Variants in LRRN1 observed in about 807,000 individuals in gnomAD.
LRRN1 encodes leucine-rich repeat neuronal protein 1.
Under a neutral mutation model 45.8 loss-of-function variants are expected in LRRN1, and 14 were observed. The ratio of observed to expected loss-of-function variants is 0.31; its 90% CI spans 0.20 to 0.48. The LOEUF is 0.48. Among genes scored for constraint, LRRN1 ranks in the 20% least tolerant of loss-of-function variants. The probability of loss-of-function intolerance (pLI) is 0.99; values close to 1 mark genes in which losing one functional copy is unlikely to be tolerated. For synonymous variants in LRRN1, 359 were observed against 330.1 expected (o/e 1.09, Z -0.95); for missense variants, 789 against 874.2 (o/e 0.90, Z 1.23).
At chr3:3,834,371 C>T (rs1693439196) in intron 1 of LRRN1, among the ~76,000 whole-genome samples, 1 of 150,738 alleles carries the variant, frequency 6.6e-6, no homozygotes, top group Non-Finnish European at 1.5e-5. Context: ...ATTAGAAGTA[C>T]AGTCCTTAGC....
chr3:3,808,959 C>T (rs879693232), intron 1 of LRRN1, among the ~76,000 whole-genome samples: 2 of 152,096 alleles, frequency 1.3e-5, no homozygotes, highest in Non-Finnish European at 2.9e-5. Context: ...AGATTGCATT[C>T]TCCTAACCCT....
At chr3:3,821,936 A>G (rs1461184434) in intron 1 of LRRN1, among the ~76,000 whole-genome samples, 2 of 152,148 alleles carry the variant, frequency 1.3e-5, no homozygotes, top group Non-Finnish European at 2.9e-5. Context: ...CAAGACAGAA[A>G]CGGGTTCCTC....
chr3:3,801,026 C>T (rs1198861311), intron 1 of LRRN1: 1 of 152,298 alleles, frequency 6.6e-6, no homozygotes, highest in Non-Finnish European at 1.5e-5. Context: ...GGCCGCGTGT[C>T]CCGGGACGGT....
intron 1 of LRRN1, among the ~76,000 whole-genome samples, chr3:3,818,703 G>C (rs1391887705): frequency 1.3e-5 from 2 of 152,104 alleles, no homozygotes; most frequent in African/African-American, 4.8e-5. Flanking sequence ...ACAGAGCTAA[G>C]GTATTTCTTG....
At chr3:3,819,722 A>T (rs1033953771) in intron 1 of LRRN1, among the ~76,000 whole-genome samples, 1 of 152,200 alleles carries the variant, frequency 6.6e-6, no homozygotes, top group Admixed American at 6.5e-5. Flanking sequence ...TGTTTCCAAA[A>T]AAGGGCCACA....
intron 1 of LRRN1, among the ~76,000 whole-genome samples, chr3:3,814,435 G>A (rs1325063923): frequency 6.6e-6 from 1 of 151,688 alleles, no homozygotes; most frequent in East Asian, 1.9e-4. Context: ...TTCTTGTTGG[G>A]TTCTGCATCC....
rs772182978 is a variant in LRRN1, at chr3:3,845,675, A to G, written c.1034A>G (p.Asn345Ser). ...CCTGCTCTGGAAAGCTTGATGCTGA[A>G]CAACAATGCCTTGAATGCCATTTAC... ...SVPALESLML[N>S]NNALNAIYQK... Residue 345 changes from asparagine (N) to serine (S), a missense_variant, in exon 2 of 2, where the codon AAC (asparagine) becomes AGC (serine). Asn to Ser is a conservative substitution (Grantham distance 46, BLOSUM62 1). Coordinates refer to ENST00000319331, the MANE Select transcript of LRRN1 (RefSeq NM_020873.7). This position sits in a 1 kb window ranked among gnomAD's most constrained non-coding sequence, Gnocchi z 6.5. 6.2e-7 allele frequency: 1 copy of G among 1,614,086 alleles called. No individual in the cohort carries two copies. Among genetic ancestry groups the G allele is most frequent in the South Asian group, 1.1e-5 (1 of 91,074 alleles).
chr3:3,807,927 G>T (rs1467979020), intron 1 of LRRN1, among the ~76,000 whole-genome samples: 1 of 152,300 alleles, frequency 6.6e-6, no homozygotes, highest in African/African-American at 2.4e-5. Context: ...GCCTCCTCAC[G>T]TACTCAGAAA....
chr3:3,806,756 A>G (rs377091290), intron 1 of LRRN1, among the ~76,000 whole-genome samples: 1 of 152,228 alleles, frequency 6.6e-6, no homozygotes, highest in Admixed American at 6.5e-5. Context: ...CATCCTGAGA[A>G]ACCAAATGTG....
chr3:3,846,251 A>T lies in LRRN1; in HGVS notation c.1610A>T (p.His537Leu). The T allele has an allele frequency of 6.2e-7, 1 of 1,614,110 alleles. No homozygotes were observed. Among genetic ancestry groups the T allele is most frequent in the Non-Finnish European group, 8.5e-7 (1 of 1,180,030 alleles). The change falls in exon 2 of 2, where the codon CAT becomes CTT. Residue 537 changes from histidine (H) to leucine (L), a missense_variant. Coordinates refer to ENST00000319331, the MANE Select transcript of LRRN1 (RefSeq NM_020873.7). The surrounding 1 kb of genome is among the most constrained non-coding windows in gnomAD (Gnocchi z 5.7). ...LKIYVKQTESHSILVSWKVNS... is the reference protein window; with the variant it reads ...LKIYVKQTESLSILVSWKVNS... ...ATATACGTCAAGCAGACAGAATCCC[A>T]TTCCATCTTAGTGTCCTGGAAAGTT... is the stretch of plus-strand genomic sequence containing the variant.
chr3:3,828,991 CT>C (rs386395826), intron 1 of LRRN1, among the ~76,000 whole-genome samples: 281 of 140,404 alleles, frequency 2.0e-3, no homozygotes, highest in Middle Eastern at 3.7e-3. Context: ...TCTTTTCTTT[CT>C]TTTTTTTTTT....
At chr3:3,835,524 G>T (rs749154683) in intron 1 of LRRN1, among the ~76,000 whole-genome samples, 2 of 150,548 alleles carry the variant, frequency 1.3e-5, no homozygotes, top group African/African-American at 4.9e-5. Flanking sequence ...AGCATAATTC[G>T]AATACAGAAC....
At chr3:3,814,639 T>C (rs773356201) in intron 1 of LRRN1, among the ~76,000 whole-genome samples, 1 of 152,202 alleles carries the variant, frequency 6.6e-6, no homozygotes, top group Admixed American at 6.5e-5. Context: ...CCCTCATGAA[T>C]GGACTAATGC....
intron 1 of LRRN1, among the ~76,000 whole-genome samples, chr3:3,801,676 G>A (rs80275656): frequency 6.6e-6 from 1 of 152,162 alleles, no homozygotes. Flanking sequence ...GAGTTTTTCT[G>A]TTTGGGAATT....
Position 3,842,577 on chromosome 3 carries a change from C to G in LRRN1, c.-278-1787C>G, listed in dbSNP as rs558581529. On this transcript the variant is annotated intron_variant, in intron 1 of 1. Transcript: ENST00000319331. ...CAAAGATAACTACGTTTTACAAAGT[C>G]GAAAGGTTAATAATAGCAGCTAGCA... Among the ~76,000 whole-genome samples, 23 of 152,044 alleles carry G rather than the reference C, an allele frequency of 1.5e-4. No individual in the cohort carries two copies. The East Asian group carries it at 1.9e-3, about 13-fold the overall frequency.
intron 1 of LRRN1, among the ~76,000 whole-genome samples, chr3:3,807,077 G>A (rs75964293): frequency 0.015 from 2,344 of 152,278 alleles, 79 homozygotes; most frequent in East Asian, 0.15. Context: ...TTGGGTTACC[G>A]AAGAAAGCAA....
chr3:3,842,126 T>C (rs1463976043), intron 1 of LRRN1, among the ~76,000 whole-genome samples: 1 of 152,188 alleles, frequency 6.6e-6, no homozygotes, highest in Non-Finnish European at 1.5e-5. Context: ...AGTATTTGTG[T>C]ATTGAAACAT....
chr3:3,811,893 A>G (rs1162782946), intron 1 of LRRN1, among the ~76,000 whole-genome samples: 2 of 152,232 alleles, frequency 1.3e-5, no homozygotes, highest in Non-Finnish European at 2.9e-5. Context: ...AAAGCAGAAA[A>G]ACAGGGGCTC....
chr3:3,809,501 C>T (rs964111218), intron 1 of LRRN1, among the ~76,000 whole-genome samples: 5 of 152,224 alleles, frequency 3.3e-5, no homozygotes, highest in South Asian at 2.1e-4. Flanking sequence ...TTAAAAGCTA[C>T]TACTTGAGAT....
Sources: allele counts gnomAD v4.1 joint callset (sites outside exome capture counted in the v4.1 genomes callset), GRCh38; gene constraint gnomAD v4.1.1; non-coding constraint Gnocchi (gnomAD v3.1); transcripts MANE v1.5; gene names NCBI Gene and HGNC (gene_info 2026-07-23, HGNC 2026-07-21).